APLF: variants seen among roughly 807,000 people sequenced by gnomAD.
APLF encodes aprataxin and PNK-like factor.
In APLF, 61 loss-of-function variants were observed where a neutral mutation model predicts 55.6. That is an observed-to-expected ratio of 1.10 (90% CI 0.89 to 1.36). The LOEUF is 1.36. Ranked by LOEUF, APLF falls within the 40% of genes most tolerant of loss-of-function variation. The pLI, the probability that APLF is intolerant of heterozygous loss-of-function variation, is 0.00. For synonymous variants in APLF, 207 were observed against 214.8 expected, an observed-to-expected ratio of 0.96 and a Z score of 0.32; for missense variants, 611 against 602.5, an observed-to-expected ratio of 1.01 and a Z score of -0.15.
chr2:68,499,789 G>T (rs1676666153), intron 2 of APLF, among the ~76,000 whole-genome samples: 1 of 152,140 alleles, frequency 6.6e-6, no homozygotes. Context: ...AGTGAGTAGA[G>T]ATCATGCCAC....
At chr2:68,535,018 A>G (rs1428931570) in intron 6 of APLF, among the ~76,000 whole-genome samples, 1 of 152,204 alleles carries the variant, frequency 6.6e-6, no homozygotes, top group African/African-American at 2.4e-5. Context: ...GGAGTTCCAT[A>G]AAGAGCATTA....
intron 8 of APLF, among the ~76,000 whole-genome samples, chr2:68,549,599 C>T (rs1055195848): frequency 6.6e-6 from 1 of 152,062 alleles, no homozygotes; most frequent in Non-Finnish European, 1.5e-5. Context: ...ATATGGTGTG[C>T]ACTTACATGT....
chr2:68,542,066 T>C (rs1469035737), intron 7 of APLF, among the ~76,000 whole-genome samples: 1 of 151,882 alleles, frequency 6.6e-6, no homozygotes, highest in African/African-American at 2.4e-5. Context: ...CAATAAAGAG[T>C]GCTCAGAAAA....
intron 2 of APLF, among the ~76,000 whole-genome samples, chr2:68,494,969 C>T (rs761073305): frequency 6.6e-6 from 1 of 152,114 alleles, no homozygotes; most frequent in Non-Finnish European, 1.5e-5. Context: ...CTAAGTCTCA[C>T]GAGAACTCAT....
intron 1 of APLF, among the ~76,000 whole-genome samples, chr2:68,486,759 CTATAAT>C (rs1372672505): frequency 4.0e-5 from 6 of 151,864 alleles, no homozygotes; most frequent in Non-Finnish European, 8.8e-5. Flanking sequence ...ATTTAGGTGA[CTATAAT>C]TATTCTATAA....
intron 3 of APLF, among the ~76,000 whole-genome samples, chr2:68,506,163 G>T (rs1023257776): frequency 2.0e-5 from 3 of 151,692 alleles, no homozygotes. Flanking sequence ...CATTAGCTAG[G>T]TCCTGTAGCT....
intron 6 of APLF, 93 bp downstream of exon 6, chr2:68,526,335 C>G: frequency 6.9e-7 from 1 of 1,456,660 alleles, no homozygotes; most frequent in Non-Finnish European, 9.4e-7. Flanking sequence ...ATCAAAACTG[C>G]CTTTTATTGT....
chr2:68,546,380 G>A (rs1424165527), intron 8 of APLF, among the ~76,000 whole-genome samples: 3 of 151,950 alleles, frequency 2.0e-5, no homozygotes, highest in Non-Finnish European at 4.4e-5. Context: ...CTACTCCAAA[G>A]AAAGTAAAAG....
At chr2:68,478,888 A>C (rs77008517) in intron 1 of APLF, among the ~76,000 whole-genome samples, 3,876 of 152,290 alleles carry the variant, frequency 0.025, 64 homozygotes, top group South Asian at 0.043. Flanking sequence ...ACTTGGAGGG[A>C]AAAGATAACC....
rs28687147 is a variant in APLF at position 68,557,925 on chromosome 2, T to A, written c.1287-9416T>A. ...GACTCCATCTGAAAAAAAAAAAAAA[T>A]AGTCAAAGTTGATAGCACCTTAATC... On this transcript the variant is annotated intron_variant, in intron 8 of 9. Transcript: ENST00000303795. 5.7e-3 allele frequency among the ~76,000 whole-genome samples: 848 copies of A among 147,996 alleles called. 4 individuals carry two copies. The highest frequency in any genetic ancestry group is 0.02 in the African/African-American group (792 of 40,532).
At chr2:68,557,681 G>A (rs1490739851) in intron 8 of APLF, among the ~76,000 whole-genome samples, 1 of 152,162 alleles carries the variant, frequency 6.6e-6, no homozygotes, top group Non-Finnish European at 1.5e-5. Context: ...GGAGGCTGAG[G>A]TGGGTGGATC....
chr2:68,475,769 A>C (rs1675752412), intron 1 of APLF, among the ~76,000 whole-genome samples: 1 of 152,128 alleles, frequency 6.6e-6, no homozygotes. Flanking sequence ...AGCATAGATG[A>C]CTGAGCTCTG....
chr2:68,537,792 T>A (rs535943754), intron 6 of APLF, 80 bp from the exon 7 acceptor site: 789 of 1,024,106 alleles, frequency 7.7e-4, no homozygotes, highest in Non-Finnish European at 1.0e-3. Context: ...TGCATGGATC[T>A]TGTAGTTTTG....
At chr2:68,489,518 G>T (rs1375031470) in intron 1 of APLF, among the ~76,000 whole-genome samples, 1 of 152,222 alleles carries the variant, frequency 6.6e-6, no homozygotes, top group Non-Finnish European at 1.5e-5. Context: ...TTGAACTTTG[G>T]TATGTGGAAA....
At chr2:68,517,145 A>G (rs1669619836) in intron 5 of APLF, among the ~76,000 whole-genome samples, 1 of 125,094 alleles carries the variant, frequency 8.0e-6, no homozygotes, top group South Asian at 2.3e-4. Context: ...ATATTAATAT[A>G]TGTTATTGAT....
chr2:68,575,472 G>A lies in APLF; in HGVS notation c.1334-2348G>A, dbSNP rs144933668. Among the ~76,000 whole-genome samples the A allele has an allele frequency of 2.0e-3, 303 of 152,208 alleles. 1 individual carries two copies. The highest frequency in any genetic ancestry group is 3.4e-3 in the Non-Finnish European group (232 of 67,990). On this transcript the variant is annotated intron_variant, in intron 9 of 9. Transcript: ENST00000303795. ...GAGTGAGACAGAAAGCTATTGGAAGGTTTTCTGACTTTTTTTTGTGAAGAA... is the reference window on the plus strand; with the variant it reads ...GAGTGAGACAGAAAGCTATTGGAAGATTTTCTGACTTTTTTTTGTGAAGAA...
chr2:68,562,028 G>A (rs1434425576), intron 8 of APLF, among the ~76,000 whole-genome samples: 1 of 151,984 alleles, frequency 6.6e-6, no homozygotes, highest in Non-Finnish European at 1.5e-5. Context: ...AGAAAATGTG[G>A]TATATATACA....
chr2:68,472,043 A>G (rs1675632739), intron 1 of APLF, among the ~76,000 whole-genome samples: 1 of 152,228 alleles, frequency 6.6e-6, no homozygotes, highest in Non-Finnish European at 1.5e-5. Flanking sequence ...AGGTAAATTT[A>G]AACATTTTCT....
At chr2:68,489,000 A>G (rs1326294279) in intron 1 of APLF, among the ~76,000 whole-genome samples, 1 of 151,926 alleles carries the variant, frequency 6.6e-6, no homozygotes, top group Non-Finnish European at 1.5e-5. Context: ...AATCTGGGAA[A>G]AAGAAAGGAA....
Sources: allele counts gnomAD v4.1 joint callset (sites outside exome capture counted in the v4.1 genomes callset), GRCh38; gene constraint gnomAD v4.1.1; transcripts MANE v1.5; gene names NCBI Gene and HGNC (gene_info 2026-07-23, HGNC 2026-07-21).